Variants in CEP43 observed in about 807,000 individuals in gnomAD.
CEP43 encodes the protein FGFR1 oncogene partner.
CEP43 carries 36 observed loss-of-function variants against 52.6 expected under a neutral mutation model. The observed-to-expected ratio is 0.68, with a 90% confidence interval of 0.52 to 0.90. CEP43 has a LOEUF of 0.90. CEP43 is among the 40% of genes least tolerant of loss of function. CEP43 has a pLI of 0.00. For synonymous variants in CEP43, 192 were observed against 172.4 expected (o/e 1.11, Z -0.89); for missense variants, 506 against 472.8 (o/e 1.07, Z -0.65).
intron 5 of CEP43, among the ~76,000 whole-genome samples, chr6:167,008,572 ATTC>A (rs904976215): frequency 2.0e-5 from 3 of 152,028 alleles, no homozygotes; most frequent in African/African-American, 7.3e-5. Context: ...GGTTCACGAC[ATTC>A]TTCTGCCTCA....
At position 167,048,782 on chromosome 6, in the gene CEP43, T is replaced by A. The variant is rs985199164; in HGVS notation, c.*8804T>A. The stretch of plus-strand genomic sequence containing the variant: ...CCATTATGATGACATTAATGAAAAA[T>A]TGGTTAATGAATGTCATTGAAAGAG... On this transcript the variant is annotated 3_prime_UTR_variant, in exon 13 of 13. Coordinates refer to ENST00000366847, the MANE Select transcript of CEP43 (RefSeq NM_007045.4). 1 of 152,146 alleles carries A rather than the reference T, an allele frequency of 6.6e-6. No homozygotes were observed. The highest frequency in any genetic ancestry group is 1.5e-5 in the Non-Finnish European group (1 of 68,030). The allele number at this position is 152,146 out of a possible 1,614,324, so 9.4% of individuals were successfully genotyped here.
At chr6:167,011,383 T>C (rs73026226) in intron 6 of CEP43, among the ~76,000 whole-genome samples, 2,875 of 152,288 alleles carry the variant, frequency 0.019, 48 homozygotes, top group East Asian at 0.091. Context: ...TTTGGTTACA[T>C]TTGTGTGTGT....
At chr6:167,012,679 C>T (rs989885538) in intron 6 of CEP43, among the ~76,000 whole-genome samples, 4 of 152,110 alleles carry the variant, frequency 2.6e-5, no homozygotes, top group East Asian at 1.9e-4. Context: ...GTCTATTTTA[C>T]GTACTCTTAT....
chr6:167,013,963 ACT>A (rs1354828000), intron 7 of CEP43, among the ~76,000 whole-genome samples: 3 of 152,258 alleles, frequency 2.0e-5, no homozygotes, highest in South Asian at 2.1e-4. Flanking sequence ...ACAGAGTGAG[ACT>A]CTGTCTAAAA....
intron 9 of CEP43, chr6:167,025,148 T>C (rs532558468): frequency 3.6e-6 from 1 of 278,302 alleles, no homozygotes; most frequent in African/African-American, 2.2e-5. Flanking sequence ...GTTGACTTTT[T>C]AGCTGATTTT....
chr6:167,019,028 G>A (rs773356081), intron 7 of CEP43, among the ~76,000 whole-genome samples: 4 of 152,054 alleles, frequency 2.6e-5, no homozygotes, highest in Admixed American at 6.5e-5. Context: ...ATTCTCTCTC[G>A]GGGCCAGGCA....
intron 12 of CEP43, among the ~76,000 whole-genome samples, chr6:167,037,730 G>A (rs1219532750): frequency 2.0e-5 from 3 of 152,204 alleles, no homozygotes; most frequent in African/African-American, 4.8e-5. Context: ...ACAGTATCTC[G>A]GGATGAAACT....
intron 10 of CEP43, among the ~76,000 whole-genome samples, chr6:167,027,484 A>G (rs1411806195): frequency 6.6e-6 from 1 of 152,146 alleles, no homozygotes; most frequent in Non-Finnish European, 1.5e-5. Context: ...ACATGGAAGC[A>G]TTGGAAGAGC....
intron 3 of CEP43, chr6:167,003,518 G>C (rs1779784736): frequency 7.4e-6 from 4 of 543,254 alleles, no homozygotes; most frequent in Non-Finnish European, 1.3e-5. Flanking sequence ...TTGTCTTACA[G>C]TTAGTTACAG....
intron 5 of CEP43, among the ~76,000 whole-genome samples, chr6:167,009,744 G>A (rs1049508992): frequency 2.6e-5 from 4 of 151,878 alleles, no homozygotes; most frequent in Non-Finnish European, 5.9e-5. Flanking sequence ...GCTGAGGTGG[G>A]AGGATCACTT....
chr6:167,027,511 G>A (rs1780380817), intron 10 of CEP43, among the ~76,000 whole-genome samples: 1 of 152,154 alleles, frequency 6.6e-6, no homozygotes, highest in African/African-American at 2.4e-5. Flanking sequence ...GGCAGGTTAG[G>A]GAGAAAGAAA....
At chr6:167,024,945 T>C in intron 9 of CEP43, 51 bp downstream of exon 9, 2 of 976,474 alleles carry the variant, frequency 2.0e-6, no homozygotes, top group Non-Finnish European at 3.2e-6. Flanking sequence ...TTTTCTCTAA[T>C]TAAATACTAT....
At chr6:167,010,953 T>G in intron 6 of CEP43, 60 bp downstream of exon 6, 1 of 936,148 alleles carries the variant, frequency 1.1e-6, no homozygotes, top group Non-Finnish European at 1.6e-6. Context: ...TGCTCTGCTT[T>G]TCTCTCTCTA....
intron 1 of CEP43, 156 bp downstream of exon 1, chr6:166,999,670 GC>G: frequency 4.0e-6 from 2 of 501,490 alleles, no homozygotes; most frequent in Non-Finnish European, 6.7e-6. Flanking sequence ...CGTCCTGCCC[GC>G]CCCACAGAGG....
Position 167,049,936 on chromosome 6 carries a change from T to G in CEP43, c.*9958T>G, listed in dbSNP as rs1475137512. On this transcript the variant is annotated 3_prime_UTR_variant, in exon 13 of 13. Transcript: ENST00000366847. ...GGTGTGACATTGTATCTCTTGTGGT[T>G]TAGATTTGCATTTGGAGCATGTCTT... The G allele has an allele frequency of 2.6e-5, 4 of 152,218 alleles. No homozygotes were observed. Among genetic ancestry groups the G allele is most frequent in the African/African-American group, 9.7e-5 (4 of 41,448 alleles). The allele number at this position is 152,218 out of a possible 1,614,324, so 9.4% of individuals were successfully genotyped here.
intron 12 of CEP43, among the ~76,000 whole-genome samples, chr6:167,038,685 A>G (rs1780631464): frequency 6.6e-6 from 1 of 152,254 alleles, no homozygotes; most frequent in Admixed American, 6.5e-5. Context: ...TAAAGATTGT[A>G]CTAACTTAGT....
At chr6:167,039,235 T>A (rs1206380423) in intron 12 of CEP43, among the ~76,000 whole-genome samples, 5 of 152,156 alleles carry the variant, frequency 3.3e-5, no homozygotes, top group Non-Finnish European at 7.4e-5. Flanking sequence ...GTTCAAGCGA[T>A]TCTCCCGCCT....
At chr6:167,022,205 T>C (rs1462156570) in intron 7 of CEP43, among the ~76,000 whole-genome samples, 1 of 151,194 alleles carries the variant, frequency 6.6e-6, no homozygotes, top group South Asian at 2.1e-4. Flanking sequence ...ATCCTGGGGA[T>C]GGAGTGATGA....
intron 12 of CEP43, among the ~76,000 whole-genome samples, chr6:167,038,599 G>T (rs2128668698): frequency 6.6e-6 from 1 of 152,146 alleles, no homozygotes; most frequent in South Asian, 2.1e-4. Context: ...AGATTAAATT[G>T]GAATAATGGC....
Sources: allele counts gnomAD v4.1 joint callset (sites outside exome capture counted in the v4.1 genomes callset), GRCh38; gene constraint gnomAD v4.1.1; transcripts MANE v1.5; gene names NCBI Gene and HGNC (gene_info 2026-07-23, HGNC 2026-07-21).